The following AKNAD1 variants were observed in gnomAD, a reference collection of about 807,000 sequenced individuals.
The protein encoded by AKNAD1 is AKNA domain containing 1.
Under a neutral mutation model 90.8 loss-of-function variants are expected in AKNAD1, and 67 were observed. The ratio of observed to expected loss-of-function variants is 0.74; its 90% CI spans 0.61 to 0.90. The LOEUF is 0.90. AKNAD1 is among the 40% of genes least tolerant of loss of function. The pLI is 0.00. For missense variants in AKNAD1, 957 were observed against 975.4 expected, an observed-to-expected ratio of 0.98 and a Z score of 0.25; for synonymous variants, 327 against 341.4, an observed-to-expected ratio of 0.96 and a Z score of 0.46.
At chr1:108,849,156 C>G in intron 3 of AKNAD1, 96 bp from the exon 4 acceptor site, 17 of 1,100,550 alleles carry the variant, frequency 1.5e-5, no homozygotes, top group Non-Finnish European at 2.1e-5. Flanking sequence ...GTCACCACCA[C>G]TTACTATTTT....
intron 5 of AKNAD1, among the ~76,000 whole-genome samples, chr1:108,846,705 C>G (rs532762012): frequency 3.3e-5 from 5 of 152,214 alleles, no homozygotes; most frequent in Non-Finnish European, 7.4e-5. Context: ...CCCGTCTCAT[C>G]CACTCCAGCG....
intron 1 of AKNAD1, among the ~76,000 whole-genome samples, chr1:108,856,723 C>T (rs1665056627): frequency 3.3e-5 from 5 of 150,542 alleles, no homozygotes; most frequent in African/African-American, 1.2e-4. Context: ...CTCTCTCACA[C>T]ACACATAAAC....
Position 108,855,197 on chromosome 1 carries a change from A to C in AKNAD1, c.-104+1732T>G, listed in dbSNP as rs137896866. Among the ~76,000 whole-genome samples the C allele has an allele frequency of 1.8e-4, 26 of 147,194 alleles. No homozygotes were observed. The East Asian group carries it at 5.0e-3, about 28-fold the overall frequency. Reference sequence around the variant, plus strand: ...GGGCGGCCGAGGCAGGTGGATCACGAGGTCAAGAGATGGAGGCCATCCTGG... The same window carrying C: ...GGGCGGCCGAGGCAGGTGGATCACGCGGTCAAGAGATGGAGGCCATCCTGG... On this transcript the variant is annotated intron_variant, in intron 1 of 15. Transcript: ENST00000370001.
intron 5 of AKNAD1, among the ~76,000 whole-genome samples, chr1:108,843,692 T>G (rs1664619990): frequency 6.6e-6 from 1 of 152,174 alleles, no homozygotes; most frequent in South Asian, 2.1e-4. Context: ...AAGGAGGAAA[T>G]TGGAGCTCTA....
At chr1:108,838,401 T>A (rs1211608655) in intron 6 of AKNAD1, among the ~76,000 whole-genome samples, 2 of 151,472 alleles carry the variant, frequency 1.3e-5, no homozygotes, top group African/African-American at 4.9e-5. Context: ...TAAAAATGAA[T>A]GTTAGGCATA....
At chr1:108,828,087 A>AAAACAAAC (rs71069603) in intron 10 of AKNAD1, among the ~76,000 whole-genome samples, 63 of 148,900 alleles carry the variant, frequency 4.2e-4, no homozygotes, top group South Asian at 6.5e-4. Context: ...CCTCATCTCA[A>AAAACAAAC]AAACAAACAA....
intron 11 of AKNAD1, among the ~76,000 whole-genome samples, chr1:108,826,060 G>A (rs963958344): frequency 6.6e-6 from 1 of 151,704 alleles, no homozygotes. Context: ...AGGGTTTCAG[G>A]AAACCCCAGG....
At chr1:108,817,338 C>A (rs933602002) in intron 14 of AKNAD1, 161 bp from the exon 15 acceptor site, 7 of 773,404 alleles carry the variant, frequency 9.1e-6, no homozygotes, top group Non-Finnish European at 1.3e-5. Context: ...TGTGGCTGAC[C>A]GCAGCTGGGC....
At chr1:108,818,856 G>A (rs1271539548) in intron 14 of AKNAD1, among the ~76,000 whole-genome samples, 2 of 151,830 alleles carry the variant, frequency 1.3e-5, no homozygotes, top group African/African-American at 4.8e-5. Context: ...CCAGCTACAC[G>A]GGAGGCTGAG....
At position 108,842,044 on chromosome 1, in the gene AKNAD1, C is replaced by T. The variant is rs796326618; in HGVS notation, c.1379+1090G>A. 5.9e-5 allele frequency among the ~76,000 whole-genome samples: 9 copies of T among 152,184 alleles called. 1 individual carries two copies. The highest frequency in any genetic ancestry group is 2.2e-4 in the African/African-American group (9 of 41,512). Reference sequence around the variant, plus strand: ...AGAAGATTCCTTGGAAAATAAATATCCTTACTCTATTAATTTTAAATAGCA... The same window carrying T: ...AGAAGATTCCTTGGAAAATAAATATTCTTACTCTATTAATTTTAAATAGCA... On this transcript the variant is annotated intron_variant, in intron 6 of 15. Transcript: ENST00000370001.
At chr1:108,846,864 T>C (rs1490521057) in intron 5 of AKNAD1, among the ~76,000 whole-genome samples, 1 of 152,054 alleles carries the variant, frequency 6.6e-6, no homozygotes, top group Non-Finnish European at 1.5e-5. Context: ...CTTGACGTCT[T>C]GCCTCCTGCT....
chr1:108,847,305 A>G (rs976087123), intron 5 of AKNAD1, among the ~76,000 whole-genome samples: 5 of 151,994 alleles, frequency 3.3e-5, no homozygotes, highest in African/African-American at 4.8e-5. Flanking sequence ...AAAATTAGCC[A>G]GGCACGGTGG....
At chr1:108,836,444 A>T (rs558153118) in intron 7 of AKNAD1, among the ~76,000 whole-genome samples, 1 of 136,902 alleles carries the variant, frequency 7.3e-6, no homozygotes, top group South Asian at 2.3e-4. Flanking sequence ...GGGGACACAG[A>T]GGCCGGGGCC....
intron 2 of AKNAD1, among the ~76,000 whole-genome samples, chr1:108,849,980 A>G (rs1664803871): frequency 1.3e-5 from 2 of 152,200 alleles, no homozygotes; most frequent in African/African-American, 4.8e-5. Context: ...TAAGTTTCAC[A>G]AGGGTAGGGA....
At position 108,849,610 on chromosome 1, in the gene AKNAD1, C is replaced by T. The variant is rs1277202; in HGVS notation, c.994-34G>A. 3,718 of 1,485,368 alleles carry T rather than the reference C, an allele frequency of 2.5e-3. 12 individuals are homozygous for T. Among genetic ancestry groups the T allele is most frequent in the Non-Finnish European group, 3.0e-3 (3,237 of 1,063,636 alleles). The allele number at this position is 1,485,368 out of a possible 1,614,324, so 92.0% of individuals were successfully genotyped here. A position where few individuals can be genotyped will look rare whatever the true frequency, so the allele number is the denominator to read the frequency against. ...TTAAAGGGTAAGAAAACGTTACTGTCGATATTGATCAATGACACCACCGTT... is the reference window on the plus strand; with the variant it reads ...TTAAAGGGTAAGAAAACGTTACTGTTGATATTGATCAATGACACCACCGTT... On this transcript the variant is annotated intron_variant, in intron 2 of 15. Transcript: ENST00000370001.
At chr1:108,838,738 A>C (rs1664452631) in intron 6 of AKNAD1, among the ~76,000 whole-genome samples, 1 of 152,128 alleles carries the variant, frequency 6.6e-6, no homozygotes, top group Non-Finnish European at 1.5e-5. Flanking sequence ...AAATAGGAAA[A>C]ATTTTAAATC....
chr1:108,833,017 G>A (rs1664256822), intron 9 of AKNAD1, among the ~76,000 whole-genome samples: 1 of 152,128 alleles, frequency 6.6e-6, no homozygotes, highest in Non-Finnish European at 1.5e-5. Context: ...CATGTCAAAT[G>A]ATGTTACCTG....
intron 11 of AKNAD1, among the ~76,000 whole-genome samples, chr1:108,826,193 C>A (rs959753014): frequency 1.3e-5 from 2 of 151,686 alleles, no homozygotes; most frequent in African/African-American, 2.4e-5. Flanking sequence ...AGTGCAGAAC[C>A]AAGTGTGACA....
chr1:108,824,202 C>G (rs987661814), intron 11 of AKNAD1, among the ~76,000 whole-genome samples: 1 of 152,192 alleles, frequency 6.6e-6, no homozygotes, highest in Non-Finnish European at 1.5e-5. Flanking sequence ...TAGTAGCAGA[C>G]AGCATGTGTA....
Sources: allele counts gnomAD v4.1 joint callset (sites outside exome capture counted in the v4.1 genomes callset), GRCh38; gene constraint gnomAD v4.1.1; transcripts MANE v1.5; gene names NCBI Gene and HGNC (gene_info 2026-07-23, HGNC 2026-07-21).